GABRG3: variants seen among roughly 807,000 people sequenced by gnomAD.
The protein encoded by GABRG3 is gamma-aminobutyric acid receptor subunit gamma-3.
In GABRG3, 25 loss-of-function variants were observed where a neutral mutation model predicts 48.8. The observed-to-expected ratio is 0.51, with a 90% CI of 0.37 to 0.72. The LOEUF (loss-of-function observed/expected upper bound fraction) is 0.72, where lower values mean the gene tolerates loss of function less well. Among genes scored for constraint, GABRG3 ranks in the 30% least tolerant of loss-of-function variants. The pLI is 0.00. For missense variants in GABRG3, 394 were observed against 577.9 expected, an observed-to-expected ratio of 0.68 and a Z score of 3.26; for synonymous variants, 227 against 217.6, an observed-to-expected ratio of 1.04 and a Z score of -0.38.
At position 27,150,124 on chromosome 15, in the gene GABRG3, T is replaced by TTG. The variant is rs1365680703; in HGVS notation, c.270+123304_270+123305insGT. ...TGTCCAGAGGTGATACAACCATCATTTAGATGTTTCTTTTGGGAATAGGAA... is the reference window on the plus strand; with the variant it reads ...TGTCCAGAGGTGATACAACCATCATTTGTAGATGTTTCTTTTGGGAATAGGAA... On this transcript the variant is annotated intron_variant, in intron 3 of 9. Coordinates refer to ENST00000615808, the MANE Select transcript of GABRG3 (RefSeq NM_033223.5). 2.0e-5 allele frequency among the ~76,000 whole-genome samples: 3 copies of TTG among 152,190 alleles called. 1 individual carries two copies. The highest frequency in any genetic ancestry group is 6.5e-5 in the Admixed American group (1 of 15,288).
chr15:27,119,066 C>T (rs12905117), intron 3 of GABRG3, among the ~76,000 whole-genome samples: 44,730 of 152,064 alleles, frequency 0.29, 7,468 homozygotes, highest in Middle Eastern at 0.38. Context: ...CTCATCCCAG[C>T]GGTATTCTCC....
chr15:27,283,636 T>A (rs1891511257), intron 3 of GABRG3, among the ~76,000 whole-genome samples: 1 of 152,130 alleles, frequency 6.6e-6, no homozygotes, highest in East Asian at 1.9e-4. Flanking sequence ...TGGTAGGCTA[T>A]TTTTTCCCAT....
rs539265188 is a variant in GABRG3 at position 27,070,611 on chromosome 15, G to A, written c.270+43790G>A. ...GCCCTTTTTTGCTTTAGAGATTGAA[G>A]TAGAGGATTTGATGAAATGTTAAGG... On this transcript the variant is annotated intron_variant, in intron 3 of 9. Coordinates refer to ENST00000615808, the MANE Select transcript of GABRG3 (RefSeq NM_033223.5). Among the ~76,000 whole-genome samples, 22 of 152,300 alleles carry A rather than the reference G, an allele frequency of 1.4e-4. 1 individual carries two copies. In the South Asian group the frequency reaches 3.7e-3, roughly 26 times the overall value.
chr15:27,105,194 G>A (rs945172717), intron 3 of GABRG3, among the ~76,000 whole-genome samples: 1 of 152,044 alleles, frequency 6.6e-6, no homozygotes. Flanking sequence ...GAAGAGGAAC[G>A]TTACATAATG....
At chr15:27,107,784 T>C (rs1897477674) in intron 3 of GABRG3, among the ~76,000 whole-genome samples, 1 of 151,990 alleles carries the variant, frequency 6.6e-6, no homozygotes. Flanking sequence ...TTTGTGTCTT[T>C]AAAAGAATTG....
At chr15:27,199,748 A>G (rs1483111529) in intron 3 of GABRG3, among the ~76,000 whole-genome samples, 6 of 152,190 alleles carry the variant, frequency 3.9e-5, no homozygotes, top group Non-Finnish European at 4.4e-5. Flanking sequence ...CATAAACCAA[A>G]TAAACCTTTT....
chr15:27,481,951 T>A (rs1890110451), intron 6 of GABRG3, among the ~76,000 whole-genome samples: 1 of 151,928 alleles, frequency 6.6e-6, no homozygotes, highest in South Asian at 2.1e-4. Flanking sequence ...CTGAAGGGAG[T>A]CACCAAGCAG....
intron 3 of GABRG3, among the ~76,000 whole-genome samples, chr15:27,053,204 A>G (rs1291164784): frequency 6.6e-6 from 1 of 152,274 alleles, no homozygotes; most frequent in East Asian, 1.9e-4. Flanking sequence ...AACAGAAACT[A>G]TCAACAACCC....
chr15:27,209,379 C>A lies in GABRG3; in HGVS notation c.271-117430C>A, dbSNP rs372327436. Among the ~76,000 whole-genome samples the A allele has an allele frequency of 6.4e-4, 96 of 150,664 alleles. 1 individual carries two copies. The highest frequency in any genetic ancestry group is 2.3e-3 in the African/African-American group (92 of 40,562). On this transcript the variant is annotated intron_variant, in intron 3 of 9. Coordinates refer to ENST00000615808, the MANE Select transcript of GABRG3 (RefSeq NM_033223.5). The stretch of plus-strand genomic sequence containing the variant: ...CCTTCCTTCCTTCCTTCTTTCTTTT[C>A]TTTTCTTTCTTTCTTTTCTTTTTTT...
intron 3 of GABRG3, among the ~76,000 whole-genome samples, chr15:27,289,781 G>A (rs1891737515): frequency 6.6e-6 from 1 of 152,106 alleles, no homozygotes; most frequent in Non-Finnish European, 1.5e-5. Context: ...ATTTATAGTT[G>A]GAGACATCAG....
Position 27,413,110 on chromosome 15 carries a change from A to T in GABRG3, c.575-67540A>T, listed in dbSNP as rs140487049. ...TGAAAAGATGCATAATCTCTTTAGA[A>T]CAAACAGCAAGTAAGCCAATAGATT... On this transcript the variant is annotated intron_variant, in intron 5 of 9. Coordinates refer to ENST00000615808, the MANE Select transcript of GABRG3 (RefSeq NM_033223.5). 9.5e-3 allele frequency among the ~76,000 whole-genome samples: 1,442 copies of T among 152,342 alleles called. 19 individuals carry two copies. Among genetic ancestry groups the T allele is most frequent in the African/African-American group, 0.033 (1,352 of 41,576 alleles).
chr15:27,417,941 G>A (rs887056407), intron 5 of GABRG3, among the ~76,000 whole-genome samples: 5 of 152,152 alleles, frequency 3.3e-5, no homozygotes, highest in Admixed American at 6.5e-5. Flanking sequence ...GCCTATACTC[G>A]AGTCATCCTA....
chr15:27,255,839 A>T (rs974403650), intron 3 of GABRG3, among the ~76,000 whole-genome samples: 1 of 152,148 alleles, frequency 6.6e-6, no homozygotes, highest in Admixed American at 6.5e-5. Context: ...CCTTTCTTCC[A>T]AATTGGCTTT....
intron 6 of GABRG3, among the ~76,000 whole-genome samples, chr15:27,492,524 C>T (rs1221205961): frequency 6.6e-6 from 1 of 152,172 alleles, no homozygotes; most frequent in African/African-American, 2.4e-5. Context: ...AAGCCCTGTC[C>T]CAGCCTCTGG....
intron 5 of GABRG3, among the ~76,000 whole-genome samples, chr15:27,419,273 T>C (rs1888037591): frequency 6.6e-6 from 1 of 151,894 alleles, no homozygotes; most frequent in Non-Finnish European, 1.5e-5. Flanking sequence ...TTCCCAACTT[T>C]CCAGGTACCC....
intron 3 of GABRG3, among the ~76,000 whole-genome samples, chr15:27,178,658 A>G (rs1781599262): frequency 6.6e-6 from 1 of 152,216 alleles, no homozygotes; most frequent in Non-Finnish European, 1.5e-5. Context: ...ATTAGTTTCA[A>G]CAAAATATGG....
intron 5 of GABRG3, among the ~76,000 whole-genome samples, chr15:27,410,254 A>T: frequency 6.6e-6 from 1 of 152,284 alleles, no homozygotes; most frequent in East Asian, 1.9e-4. Context: ...AATAAATCCC[A>T]TTTTGGGGTT....
Position 27,532,890 on chromosome 15 carries a change from CAG to C in GABRG3, c.*12_*13del, listed in dbSNP as rs1566883106. The C allele has an allele frequency of 1.2e-6, 2 of 1,611,894 alleles. No individual in the cohort carries two copies. The highest frequency in any genetic ancestry group is 1.7e-6 in the Non-Finnish European group (2 of 1,179,018). On this transcript the variant is annotated 3_prime_UTR_variant, in exon 10 of 10. Transcript: ENST00000615808. ...GATACCTGTATCTCTAAGTGTTGCT[CAG>C]AGTGAAGAGTGAAGAGCATTTGGTA...
intron 3 of GABRG3, among the ~76,000 whole-genome samples, chr15:27,141,624 G>A (rs370425469): frequency 7.2e-5 from 11 of 152,192 alleles, no homozygotes; most frequent in African/African-American, 2.2e-4. Flanking sequence ...TGTCACTCTA[G>A]GGATAAGGTC....
Sources: gnomAD v4.1 joint callset for allele counts (sites outside exome capture counted in the v4.1 genomes callset) on GRCh38, gnomAD v4.1.1 for gene constraint, MANE v1.5 for transcripts, NCBI Gene and HGNC (gene_info 2026-07-23, HGNC 2026-07-21) for gene names.